Variants in ZNF654 observed in about 807,000 individuals in gnomAD.
ZNF654 encodes zinc finger protein 654.
A neutral mutation model predicts 95.3 loss-of-function variants in ZNF654; 19 were observed. The ratio of observed to expected loss-of-function variants is 0.20; its 90% CI spans 0.14 to 0.29. The LOEUF (loss-of-function observed/expected upper bound fraction) is 0.29, where lower values mean the gene tolerates loss of function less well. ZNF654 is among the 10% of genes least tolerant of loss of function. The pLI is 1.00. For synonymous variants in ZNF654, 413 were observed against 457.9 expected (o/e 0.90, Z 1.25); for missense variants, 1,046 against 1,341.0 (o/e 0.78, Z 3.44).
chr3:88,075,420 ACT>A (rs1441675715), intron 1 of ZNF654, among the ~76,000 whole-genome samples: 12 of 152,070 alleles, frequency 7.9e-5, no homozygotes, highest in Non-Finnish European at 1.3e-4. Flanking sequence ...TCATAAAAAC[ACT>A]CTTTTTGTGC....
intron 3 of ZNF654, among the ~76,000 whole-genome samples, chr3:88,125,427 A>T (rs907928512): frequency 1.8e-4 from 27 of 152,176 alleles, no homozygotes; most frequent in African/African-American, 6.5e-4. Flanking sequence ...AACATTTCAA[A>T]TATCTTTTTT....
At chr3:88,112,097 C>T (rs1255495108) in intron 2 of ZNF654, among the ~76,000 whole-genome samples, 2 of 151,756 alleles carry the variant, frequency 1.3e-5, no homozygotes, top group Non-Finnish European at 3.0e-5. Flanking sequence ...GTTTTTTGGT[C>T]TGTTGATATT....
chr3:88,136,923 G>A (rs7651641), intron 7 of ZNF654, among the ~76,000 whole-genome samples: 107,463 of 152,032 alleles, frequency 0.71, 41,702 homozygotes, highest in South Asian at 0.91. Flanking sequence ...GGCTGGGCGC[G>A]ATGGCTTACA....
chr3:88,129,688 A>T lies in ZNF654; in HGVS notation c.755A>T (p.His252Leu). 6.8e-7 allele frequency: 1 copy of T among 1,473,472 alleles called. No individual in the cohort carries two copies. The highest frequency in any genetic ancestry group is 1.4e-5 in the African/African-American group (1 of 71,474). The allele number at this position is 1,473,472 out of a possible 1,614,324, so 91.3% of individuals were successfully genotyped here. Residue 252 changes from histidine to leucine, a missense_variant and splice_region_variant, in exon 6 of 9, where the codon CAT (histidine) becomes CTT (leucine). By Grantham distance (99) the His-to-Leu change is moderately conservative (BLOSUM62 -3). Coordinates refer to ENST00000636215, the MANE Select transcript of ZNF654 (RefSeq NM_001350134.2). ...SPVEDQLFRE[H>L]LLKTDCKSGI... ...CTGATTTCTCTTTTCCTCTTACAGC[A>T]TTTATTGAAAACTGATTGTAAGAGT...
At chr3:88,066,436 T>A (rs1312704802) in intron 1 of ZNF654, among the ~76,000 whole-genome samples, 3 of 152,074 alleles carry the variant, frequency 2.0e-5, no homozygotes, top group Non-Finnish European at 2.9e-5. Flanking sequence ...TAGCTGGGTG[T>A]GGTGGCACAC....
At chr3:88,107,193 T>G (rs1704795494) in intron 2 of ZNF654, among the ~76,000 whole-genome samples, 1 of 152,194 alleles carries the variant, frequency 6.6e-6, no homozygotes, top group Non-Finnish European at 1.5e-5. Context: ...TTTATATACT[T>G]TATCTTCCTC....
In ZNF654 at chr3:88,140,253, T is replaced by C. The variant is rs781585825; in HGVS notation, c.2584T>C (p.Tyr862His). 3.1e-6 allele frequency: 5 copies of C among 1,613,870 alleles called. No individual in the cohort carries two copies. The Admixed American group carries it at 8.3e-5, about 27-fold the overall frequency. ...HELFEDLPLL[Y>H]EHEAQHYLSK... ...GCTTTTTGAAGATCTTCCTCTGCTG[T>C]ATGAACATGAAGCTCAACACTATTT... is the stretch of plus-strand genomic sequence containing the variant. The change falls in exon 8 of 9, where the codon TAT (tyrosine) becomes CAT (histidine). Residue 862 changes from tyrosine to histidine, a missense_variant. Physicochemically the swap from Tyr to His is moderately conservative, Grantham distance 83 (BLOSUM62 2). This residue lies in a region of ZNF654 where 495 missense variants were observed against 537.0 expected (regional missense o/e 0.92). Transcript: ENST00000636215.
rs528583769 is a variant in ZNF654, at chr3:88,076,915, C to T, written c.187-9342C>T. The stretch of plus-strand genomic sequence containing the variant: ...ACTCTGACCTGCCTCAAAGGTGGTG[C>T]AAGTAGCTAACTCAAGAGGGATATG... On this transcript the variant is annotated intron_variant, in intron 1 of 8. Coordinates refer to ENST00000636215, the MANE Select transcript of ZNF654 (RefSeq NM_001350134.2). Among the ~76,000 whole-genome samples, 14 of 152,172 alleles carry T rather than the reference C, an allele frequency of 9.2e-5. No homozygotes were observed. The East Asian group carries it at 2.5e-3, about 27-fold the overall frequency.
chr3:88,080,544 C>G (rs773697633), intron 1 of ZNF654, among the ~76,000 whole-genome samples: 6 of 152,006 alleles, frequency 3.9e-5, no homozygotes, highest in Non-Finnish European at 8.8e-5. Context: ...AATGATTTTG[C>G]TAAGGTTACC....
chr3:88,121,985 CCTGT>C (rs1705796497), intron 3 of ZNF654, among the ~76,000 whole-genome samples: 1 of 152,148 alleles, frequency 6.6e-6, no homozygotes, highest in South Asian at 2.1e-4. Flanking sequence ...CCTTTCCCTT[CCTGT>C]CTGTTTGAAA....
chr3:88,081,156 C>T (rs1474086026), intron 1 of ZNF654, among the ~76,000 whole-genome samples: 2 of 152,132 alleles, frequency 1.3e-5, no homozygotes, highest in Non-Finnish European at 2.9e-5. Context: ...GGGAATCAAT[C>T]TATGCATTTT....
intron 1 of ZNF654, among the ~76,000 whole-genome samples, chr3:88,076,976 T>C (rs1707837955): frequency 1.3e-5 from 2 of 152,196 alleles, no homozygotes; most frequent in African/African-American, 2.4e-5. Flanking sequence ...GGCCAGGAGC[T>C]GAGAGACTCT....
chr3:88,101,298 C>G (rs1167796350), intron 2 of ZNF654, among the ~76,000 whole-genome samples: 1 of 152,108 alleles, frequency 6.6e-6, no homozygotes. Context: ...CTACCCAGCT[C>G]AAGGCAACTA....
At chr3:88,101,594 T>C (rs1173556047) in intron 2 of ZNF654, among the ~76,000 whole-genome samples, 8 of 152,160 alleles carry the variant, frequency 5.3e-5, no homozygotes, top group Non-Finnish European at 1.2e-4. Flanking sequence ...CATTCAGCAA[T>C]TGATGGCTAT....
intron 1 of ZNF654, among the ~76,000 whole-genome samples, chr3:88,082,465 A>C (rs947340740): frequency 1.3e-5 from 2 of 152,216 alleles, no homozygotes; most frequent in Admixed American, 6.5e-5. Context: ...CGCTGTAAAC[A>C]AATGATGAAC....
In ZNF654 at chr3:88,141,571, A is replaced by G. The variant is rs1381451260; in HGVS notation, c.3380-74A>G. ...CCTTTAAAATGACAGGGTATAAATT[A>G]AACAGGAATCTGACTTGGAATTCCG... On this transcript the variant is annotated intron_variant, in intron 8 of 8. Transcript: ENST00000636215. 5.1e-6 allele frequency: 6 copies of G among 1,168,244 alleles called. No individual in the cohort carries two copies. In the African/African-American group the frequency reaches 9.2e-5, roughly 18 times the overall value. The allele number at this position is 1,168,244 out of a possible 1,614,324, so 72.4% of individuals were successfully genotyped here. A position where few individuals can be genotyped will look rare whatever the true frequency, so the allele number is the denominator to read the frequency against.
At chr3:88,060,099 G>A (rs1000429451) in intron 1 of ZNF654, among the ~76,000 whole-genome samples, 1 of 152,008 alleles carries the variant, frequency 6.6e-6, no homozygotes. Context: ...CAGAGAGTGC[G>A]TTAAGGCAAT....
At chr3:88,069,225 C>T (rs551033833) in intron 1 of ZNF654, among the ~76,000 whole-genome samples, 1 of 152,256 alleles carries the variant, frequency 6.6e-6, no homozygotes, top group South Asian at 2.1e-4. Context: ...AGCTCAAGAC[C>T]AGCCTGGCCA....
At chr3:88,116,538 A>G (rs1434040235) in intron 3 of ZNF654, among the ~76,000 whole-genome samples, 1 of 97,862 alleles carries the variant, frequency 1.0e-5, no homozygotes, top group Non-Finnish European at 2.2e-5. Flanking sequence ...AGAAAAAAAA[A>G]TACATACATA....
Sources: allele counts gnomAD v4.1 joint callset (sites outside exome capture counted in the v4.1 genomes callset), GRCh38; gene constraint gnomAD v4.1.1; regional missense constraint gnomAD v4.1.1; transcripts MANE v1.5; gene names NCBI Gene and HGNC (gene_info 2026-07-23, HGNC 2026-07-21).